Variants in MATCAP2 observed in about 807,000 individuals in gnomAD.
MATCAP2 encodes putative tyrosine carboxypeptidase MATCAP2.
the MATCAP2 span, among the ~76,000 whole-genome samples, chr7:36,376,016 T>C: frequency 1.6e-4 from 25 of 152,220 alleles, no homozygotes; most frequent in African/African-American, 5.5e-4. Flanking sequence ...TTTATCAATT[T>C]TGTTGATCTT....
the MATCAP2 span, among the ~76,000 whole-genome samples, chr7:36,341,517 C>T: frequency 2.6e-5 from 4 of 152,134 alleles, no homozygotes; most frequent in African/African-American, 9.7e-5. Context: ...TCCTAACCCC[C>T]AAGGTGAGGG....
At chr7:36,352,396 TAA>T in the MATCAP2 span, among the ~76,000 whole-genome samples, 104 of 106,168 alleles carry the variant, frequency 9.8e-4, no homozygotes, top group East Asian at 0.017. Context: ...GACTCCATCT[TAA>T]AAAAAAAAAA....
At chr7:36,373,609 T>C in the MATCAP2 span, among the ~76,000 whole-genome samples, 1 of 152,100 alleles carries the variant, frequency 6.6e-6, no homozygotes, top group Non-Finnish European at 1.5e-5. Flanking sequence ...TTATTCTTTA[T>C]TTTTTAAAAA....
At chr7:36,330,991 A>T in the MATCAP2 span, 1 of 1,606,902 alleles carries the variant, frequency 6.2e-7, no homozygotes, top group Non-Finnish European at 8.5e-7. Flanking sequence ...CCTTCCCGAG[A>T]GCAGTCAGCA....
At chr7:36,366,053 C>T in the MATCAP2 span, among the ~76,000 whole-genome samples, 1 of 152,172 alleles carries the variant, frequency 6.6e-6, no homozygotes, top group Non-Finnish European at 1.5e-5. Flanking sequence ...AGTTAGAATG[C>T]TCACAGAAAA....
the MATCAP2 span, among the ~76,000 whole-genome samples, chr7:36,378,886 G>A: frequency 2.6e-5 from 4 of 152,246 alleles, no homozygotes; most frequent in Non-Finnish European, 5.9e-5. Context: ...AAGGCTCCAT[G>A]GGCATGGGAC....
chr7:36,372,909 A>G, the MATCAP2 span, among the ~76,000 whole-genome samples: 2 of 152,204 alleles, frequency 1.3e-5, no homozygotes, highest in African/African-American at 4.8e-5. Context: ...GTTCGAGACC[A>G]TCCTGGCCAA....
the MATCAP2 span, among the ~76,000 whole-genome samples, chr7:36,338,026 A>C: frequency 6.6e-6 from 1 of 152,202 alleles, no homozygotes; most frequent in African/African-American, 2.4e-5. Context: ...ATAAAATCTC[A>C]TAAGATGGGT....
chr7:36,382,785 G>A, the MATCAP2 span, among the ~76,000 whole-genome samples: 13 of 152,216 alleles, frequency 8.5e-5, no homozygotes, highest in East Asian at 2.1e-3. Flanking sequence ...GAGCCACCAC[G>A]CCCAGCCAAA....
the MATCAP2 span, among the ~76,000 whole-genome samples, chr7:36,349,189 G>A: frequency 1.3e-5 from 2 of 152,196 alleles, no homozygotes; most frequent in Non-Finnish European, 2.9e-5. Context: ...GAGGTGAGAT[G>A]ATCAAATTTG....
chr7:36,334,123 G>C, the MATCAP2 span: 1 of 1,613,828 alleles, frequency 6.2e-7, no homozygotes. Flanking sequence ...CTGTTCCATG[G>C]CTGCTGGAGG....
the MATCAP2 span, chr7:36,366,672 C>A: frequency 1.3e-6 from 2 of 1,533,498 alleles, no homozygotes; most frequent in Non-Finnish European, 8.7e-7. Context: ...ATATTACAAT[C>A]TTTTCCACGA....
chr7:36,332,429 C>T, the MATCAP2 span, among the ~76,000 whole-genome samples: 116 of 152,232 alleles, frequency 7.6e-4, no homozygotes, highest in African/African-American at 2.5e-3. Context: ...TCTGAAATCC[C>T]GCCTGGAATT....
chr7:36,360,012 G>A, the MATCAP2 span, among the ~76,000 whole-genome samples: 2 of 152,190 alleles, frequency 1.3e-5, no homozygotes, highest in Non-Finnish European at 2.9e-5. Context: ...GAAACGTAAA[G>A]GGAGGAAATC....
the MATCAP2 span, chr7:36,355,726 A>T: frequency 6.6e-6 from 1 of 152,250 alleles, no homozygotes; most frequent in East Asian, 1.9e-4. Context: ...CGAGAGAACC[A>T]TGCAGTTTTA....
At chr7:36,325,432 T>A in the MATCAP2 span, 1 of 152,178 alleles carries the variant, frequency 6.6e-6, no homozygotes, top group Non-Finnish European at 1.5e-5. Flanking sequence ...ATGTAACCTC[T>A]CCTATAAAAG....
the MATCAP2 span, among the ~76,000 whole-genome samples, chr7:36,342,432 C>A: frequency 6.6e-6 from 1 of 152,096 alleles, no homozygotes; most frequent in Non-Finnish European, 1.5e-5. Flanking sequence ...CATAGTCATA[C>A]TAAAATATTG....
the MATCAP2 span, among the ~76,000 whole-genome samples, chr7:36,383,321 C>A: frequency 6.6e-6 from 1 of 152,076 alleles, no homozygotes; most frequent in Non-Finnish European, 1.5e-5. Context: ...GGGTATATAT[C>A]CAAAGGATTA....
chr7:36,347,288 T>A, the MATCAP2 span, among the ~76,000 whole-genome samples: 2 of 152,238 alleles, frequency 1.3e-5, no homozygotes, highest in African/African-American at 4.8e-5. Flanking sequence ...TTTTGTTTAA[T>A]GACAAACTTT....
Sources: gnomAD v4.1 joint callset for allele counts (sites outside exome capture counted in the v4.1 genomes callset) on GRCh38, gnomAD v4.1.1 for gene constraint, MANE v1.5 for transcripts, NCBI Gene and HGNC (gene_info 2026-07-23, HGNC 2026-07-21) for gene names.